The following MACROD2 variants were observed in gnomAD, a reference collection of about 807,000 sequenced individuals.
MACROD2 encodes the protein ADP-ribose glycohydrolase MACROD2.
A neutral mutation model predicts 70.4 loss-of-function variants in MACROD2; 36 were observed. The ratio of observed to expected loss-of-function variants is 0.51; its 90% confidence interval spans 0.39 to 0.68. The LOEUF is 0.68. Ranked by LOEUF, MACROD2 falls within the 30% of genes least tolerant of loss-of-function variation. MACROD2 has a pLI of 0.00. For missense variants in MACROD2, 496 were observed against 538.4 expected, an observed-to-expected ratio of 0.92 and a Z score of 0.78; for synonymous variants, 172 against 178.8, an observed-to-expected ratio of 0.96 and a Z score of 0.30.
chr20:14,080,688 T>TC (rs901582076), intron 2 of MACROD2, among the ~76,000 whole-genome samples: 6 of 151,084 alleles, frequency 4.0e-5, no homozygotes, highest in Non-Finnish European at 5.9e-5. Context: ...TCCTGTTCAT[T>TC]TTTTTTTTAG....
intron 6 of MACROD2, among the ~76,000 whole-genome samples, chr20:15,341,373 A>G (rs2078108645): frequency 6.6e-6 from 1 of 152,204 alleles, no homozygotes; most frequent in Admixed American, 6.5e-5. Context: ...ATATTATAGT[A>G]TCTTATGAAT....
intron 5 of MACROD2, among the ~76,000 whole-genome samples, chr20:14,923,077 G>C (rs1156422074): frequency 2.0e-5 from 3 of 152,134 alleles, no homozygotes; most frequent in Non-Finnish European, 4.4e-5. Context: ...ATTGCCAGCG[G>C]TCAATTCTCT....
chr20:14,044,426 G>A (rs904214491), intron 2 of MACROD2, among the ~76,000 whole-genome samples: 9 of 152,136 alleles, frequency 5.9e-5, no homozygotes, highest in African/African-American at 2.2e-4. Context: ...GACCTGAGCG[G>A]GTTGCCACTG....
chr20:15,776,723 C>T (rs901996065), intron 8 of MACROD2, among the ~76,000 whole-genome samples: 3 of 152,270 alleles, frequency 2.0e-5, no homozygotes, highest in Non-Finnish European at 4.4e-5. Context: ...ATCTGCCTAA[C>T]AGCAACATAT....
chr20:15,126,186 A>G (rs1318876619), intron 5 of MACROD2, among the ~76,000 whole-genome samples: 1 of 144,668 alleles, frequency 6.9e-6, no homozygotes, highest in Non-Finnish European at 1.5e-5. Flanking sequence ...TTGTATGAAC[A>G]TATGTTTTCA....
intron 6 of MACROD2, among the ~76,000 whole-genome samples, chr20:15,407,354 G>A (rs1039794638): frequency 1.1e-4 from 17 of 152,170 alleles, no homozygotes; most frequent in African/African-American, 4.1e-4. Flanking sequence ...ACCCCCAACA[G>A]GATGGAGCAC....
intron 4 of MACROD2, among the ~76,000 whole-genome samples, chr20:14,642,599 C>T (rs972711386): frequency 6.6e-6 from 1 of 152,070 alleles, no homozygotes; most frequent in African/African-American, 2.4e-5. Flanking sequence ...TATTAAGTGG[C>T]CTAATTTCAA....
chr20:15,987,574 A>T (rs551888715), intron 15 of MACROD2, among the ~76,000 whole-genome samples: 1 of 152,268 alleles, frequency 6.6e-6, no homozygotes, highest in African/African-American at 2.4e-5. Context: ...GAAACAATTT[A>T]TGTAAAATAT....
At chr20:15,157,356 C>G (rs1333021396) in intron 5 of MACROD2, among the ~76,000 whole-genome samples, 3 of 9,066 alleles carry the variant, frequency 3.3e-4, no homozygotes, top group East Asian at 0.014. Context: ...ACCACCCCCC[C>G]CCACCTCCCC....
intron 3 of MACROD2, among the ~76,000 whole-genome samples, chr20:14,394,359 A>T (rs2083559823): frequency 6.6e-6 from 1 of 152,150 alleles, no homozygotes; most frequent in African/African-American, 2.4e-5. Context: ...AATATTACAT[A>T]TTTTTGATGC....
chr20:15,265,868 T>G (rs1407306736), intron 6 of MACROD2, among the ~76,000 whole-genome samples: 1 of 152,208 alleles, frequency 6.6e-6, no homozygotes, highest in Non-Finnish European at 1.5e-5. Flanking sequence ...GTGTCTGCAT[T>G]TCTCTCCTCA....
chr20:16,002,337 C>T (rs67890822), intron 15 of MACROD2, among the ~76,000 whole-genome samples: 37 of 152,062 alleles, frequency 2.4e-4, no homozygotes, highest in Non-Finnish European at 7.4e-5. Context: ...ATCCCAGGAA[C>T]CTTTCCATGT....
At chr20:14,857,172 A>G (rs1470509306) in intron 5 of MACROD2, among the ~76,000 whole-genome samples, 1 of 152,142 alleles carries the variant, frequency 6.6e-6, no homozygotes, top group Non-Finnish European at 1.5e-5. Context: ...TCTGTTCTCC[A>G]AGGCTGATCA....
At chr20:14,094,316 T>C (rs2054193469) in intron 3 of MACROD2, among the ~76,000 whole-genome samples, 1 of 152,208 alleles carries the variant, frequency 6.6e-6, no homozygotes, top group Non-Finnish European at 1.5e-5. Flanking sequence ...TTAAGTCTAT[T>C]GTGACTGGAT....
At chr20:14,899,887 A>T (rs1344379233) in intron 5 of MACROD2, among the ~76,000 whole-genome samples, 2 of 152,206 alleles carry the variant, frequency 1.3e-5, no homozygotes, top group African/African-American at 4.8e-5. Context: ...TATTATACAC[A>T]TAACTAAATT....
At chr20:14,059,017 A>C (rs1463492975) in intron 2 of MACROD2, among the ~76,000 whole-genome samples, 2 of 152,152 alleles carry the variant, frequency 1.3e-5, no homozygotes, top group East Asian at 3.9e-4. Flanking sequence ...GCTGTTATGC[A>C]AACTGTTTTC....
chr20:15,102,410 A>G (rs2075879776), intron 5 of MACROD2, among the ~76,000 whole-genome samples: 1 of 151,898 alleles, frequency 6.6e-6, no homozygotes, highest in African/African-American at 2.4e-5. Flanking sequence ...AGACACACAA[A>G]TCCTTTAAGA....
At chr20:15,017,666 G>A (rs1427064781) in intron 5 of MACROD2, among the ~76,000 whole-genome samples, 1 of 152,194 alleles carries the variant, frequency 6.6e-6, no homozygotes, top group Non-Finnish European at 1.5e-5. Context: ...TGGGCATCCA[G>A]GCATTTCCGT....
At chr20:15,707,401 C>G (rs1045291866) in intron 8 of MACROD2, among the ~76,000 whole-genome samples, 1 of 152,180 alleles carries the variant, frequency 6.6e-6, no homozygotes, top group Non-Finnish European at 1.5e-5. Context: ...ATACCAGGCA[C>G]TTGCTGGGCA....
Sources: gnomAD v4.1 joint callset for allele counts (sites outside exome capture counted in the v4.1 genomes callset) on GRCh38, gnomAD v4.1.1 for gene constraint, MANE v1.5 for transcripts, NCBI Gene and HGNC (gene_info 2026-07-23, HGNC 2026-07-21) for gene names.